USP35: variants seen among roughly 807,000 people sequenced by gnomAD.
USP35 encodes ubiquitin carboxyl-terminal hydrolase 35.
USP35 carries 69 observed loss-of-function variants against 83.8 expected under a neutral mutation model. The observed-to-expected ratio is 0.82, with a 90% CI of 0.68 to 1.01. USP35 has a LOEUF of 1.01. USP35 is among the 50% of genes least tolerant of loss of function. The pLI is 0.00. For missense variants in USP35, 1,503 were observed against 1,362.5 expected (o/e 1.10, Z -1.62); for synonymous variants, 714 against 589.5 (o/e 1.21, Z -3.06).
At chr11:78,195,402 A>T (rs182972504) in intron 1 of USP35, among the ~76,000 whole-genome samples, 2 of 152,154 alleles carry the variant, frequency 1.3e-5, no homozygotes, top group Admixed American at 6.5e-5. Context: ...CACGAAGTGG[A>T]GTCTAGCCAA....
In USP35 at chr11:78,214,592, A is replaced by AGCAGCCACCTGCAGGTT; in HGVS notation, c.*781_*797dup. 1 of 152,418 alleles carries AGCAGCCACCTGCAGGTT rather than the reference A, an allele frequency of 6.6e-6. No homozygotes were observed. Among genetic ancestry groups the AGCAGCCACCTGCAGGTT allele is most frequent in the East Asian group, 1.9e-4 (1 of 5,188 alleles). 9.4% of individuals were successfully genotyped at this position (152,418 alleles called of 1,614,324 possible). On this transcript the variant is annotated 3_prime_UTR_variant, in exon 11 of 11. Transcript: ENST00000529308. ...AGCAGTTGGCCTTTGTAGCTGCAAC[A>AGCAGCCACCTGCAGGTT]GCAGCCACCTGCAGGTTGGGTGAAG...
chr11:78,212,773 A>C (rs80280850), intron 10 of USP35, among the ~76,000 whole-genome samples: 1,961 of 150,364 alleles, frequency 0.013, 17 homozygotes, highest in Non-Finnish European at 0.02. Context: ...GAAGTTGCTT[A>C]ACAGCTTAAG....
chr11:78,208,869 TCCC>T lies in USP35; in HGVS notation c.1500_1502del (p.Pro501del). 6.2e-7 allele frequency: 1 copy of T among 1,614,126 alleles called. No homozygotes were observed. The highest frequency in any genetic ancestry group is 1.6e-4 in the Middle Eastern group (1 of 6,062). ...TGCCTTGTCCTAGCGGCCTGCCATT[TCCC>T]CAGAGAACTTCCTCTCCGCATCCTG... On this transcript the variant is annotated inframe_deletion, in exon 9 of 11. Coordinates refer to ENST00000529308, the MANE Select transcript of USP35 (RefSeq NM_020798.4).
chr11:78,236,181 A>G, the USP35 span, among the ~76,000 whole-genome samples: 1 of 152,222 alleles, frequency 6.6e-6, no homozygotes, highest in Non-Finnish European at 1.5e-5. Context: ...TTTATTCCCA[A>G]GTATTCCACG....
intron 6 of USP35, among the ~76,000 whole-genome samples, chr11:78,202,251 A>G (rs1012994608): frequency 6.6e-6 from 1 of 152,240 alleles, no homozygotes; most frequent in Non-Finnish European, 1.5e-5. Context: ...GAAGCCGACT[A>G]AAAGCCAGGA....
Position 78,209,592 on chromosome 11 carries a change from C to T in USP35, c.1737C>T (p.Cys579=). 6.2e-7 allele frequency: 1 copy of T among 1,614,176 alleles called. No homozygotes were observed. The highest frequency in any genetic ancestry group is 1.1e-5 in the South Asian group (1 of 91,086). ...MFGGKIVTRI[C]CLCCLNVSSR... is the part of the protein sequence containing the mutation. ...GAGGCAAGATAGTGACTCGGATCTG[C>T]TGTCTCTGCTGCCTCAACGTCTCCT... Residue 579 remains cysteine (C), a synonymous_variant, in exon 10 of 11, where the codon TGC becomes TGT. Transcript: ENST00000529308.
the USP35 span, among the ~76,000 whole-genome samples, chr11:78,236,940 C>G: frequency 8.5e-5 from 13 of 152,296 alleles, no homozygotes; most frequent in East Asian, 2.5e-3. Context: ...TTGGATTCGA[C>G]TGCTAATCCT....
the USP35 span, chr11:78,220,407 G>T: frequency 6.3e-7 from 1 of 1,595,860 alleles, no homozygotes; most frequent in Non-Finnish European, 8.6e-7. Context: ...AGGACTGTTC[G>T]TGCCACTGGG....
Position 78,198,356 on chromosome 11 carries a change from A to G in USP35, c.806+288A>G, listed in dbSNP as rs186672779. 2.0e-5 allele frequency among the ~76,000 whole-genome samples: 3 copies of G among 151,866 alleles called. No individual in the cohort carries two copies. In the East Asian group the frequency reaches 5.8e-4, roughly 29 times the overall value. On this transcript the variant is annotated intron_variant, in intron 3 of 10. Transcript: ENST00000529308. The stretch of plus-strand genomic sequence containing the variant: ...CAGCCTCAGTTTCCCCCTCTGTAAA[A>G]GCAGAGGTGGGTGGTGTCAGGCGTC...
In USP35 at chr11:78,210,307, A is replaced by T. The variant is rs1246873774; in HGVS notation, c.2452A>T (p.Met818Leu). 2 of 1,613,806 alleles carry T rather than the reference A, an allele frequency of 1.2e-6. No homozygotes were observed. The highest frequency in any genetic ancestry group is 4.5e-5 in the East Asian group (2 of 44,878). Residue 818 changes from methionine (M) to leucine (L), a missense_variant, in exon 10 of 11, where the codon ATG becomes TTG. Physicochemically the swap from Met to Leu is conservative, Grantham distance 15 (BLOSUM62 2). Transcript: ENST00000529308. The part of the protein sequence containing the change: ...LLRFSFDLRT[M>L]RRRKILDDVS... ...GCGCTTCTCTTTCGACCTGCGCACC[A>T]TGCGGCGCCGCAAGATCCTGGATGA...
chr11:78,220,435 C>A, the USP35 span: 1 of 1,573,308 alleles, frequency 6.4e-7, no homozygotes, highest in South Asian at 1.1e-5. Flanking sequence ...GATGCAGACA[C>A]TGGGTTTTGC....
Position 78,200,770 on chromosome 11 carries a change from T to C in USP35, c.1159T>C (p.Phe387Leu), listed in dbSNP as rs1437935723. The C allele has an allele frequency of 5.0e-6, 8 of 1,614,006 alleles. No individual in the cohort carries two copies. The highest frequency in any genetic ancestry group is 6.8e-6 in the Non-Finnish European group (8 of 1,179,902). Residue 387 changes from phenylalanine to leucine, a missense_variant, in exon 6 of 11, where the codon TTC (phenylalanine) becomes CTC (leucine). Coordinates refer to ENST00000529308, the MANE Select transcript of USP35 (RefSeq NM_020798.4). ...CTGCATGGTGTTCCGGTTCCCGGGCTTCCCGGATCTGTATGAGCCTGTCAT... is the reference window on the plus strand; with the variant it reads ...CTGCATGGTGTTCCGGTTCCCGGGCCTCCCGGATCTGTATGAGCCTGTCAT... ...VHCMVFRFPG[F>L]PDLYEPVMEA...
chr11:78,201,315 G>A (rs998447777), intron 6 of USP35, among the ~76,000 whole-genome samples: 15 of 152,168 alleles, frequency 9.9e-5, no homozygotes, highest in African/African-American at 3.4e-4. Context: ...CCAGACCAGG[G>A]ATAATTTACA....
In USP35 at chr11:78,210,478, G is replaced by GC; in HGVS notation, c.2625dup (p.Ala876ArgfsTer8). 1 of 1,614,164 alleles carries GC rather than the reference G, an allele frequency of 6.2e-7. No individual in the cohort carries two copies. Among genetic ancestry groups the GC allele is most frequent in the Non-Finnish European group, 8.5e-7 (1 of 1,179,968 alleles). ...TGCCCGTGAGGGCGCTGCCCGCCCT[G>GC]CCGCTTCTCTGGGAACTGCCGATAG... On this transcript the variant is annotated frameshift_variant, in exon 10 of 11. Transcript: ENST00000529308. LOFTEE classifies it high-confidence loss of function.
chr11:78,213,057 C>CG (rs1162093031), intron 10 of USP35, among the ~76,000 whole-genome samples: 1 of 152,128 alleles, frequency 6.6e-6, no homozygotes, highest in African/African-American at 2.4e-5. Context: ...GTGTTTTGTG[C>CG]GGGGGAATAC....
chr11:78,236,556 A>G, the USP35 span, among the ~76,000 whole-genome samples: 1 of 152,180 alleles, frequency 6.6e-6, no homozygotes, highest in Non-Finnish European at 1.5e-5. Flanking sequence ...ATCTTAGGGC[A>G]TTATGTTCAA....
At chr11:78,230,843 G>A in the USP35 span, among the ~76,000 whole-genome samples, 1 of 152,220 alleles carries the variant, frequency 6.6e-6, no homozygotes, top group African/African-American at 2.4e-5. Flanking sequence ...AATCTAGATG[G>A]GGAATTCCAA....
the USP35 span, chr11:78,227,107 C>A: frequency 8.4e-7 from 1 of 1,188,012 alleles, no homozygotes; most frequent in Non-Finnish European, 1.2e-6. Flanking sequence ...AGCTGTGTGA[C>A]CTTGAGGCAA....
chr11:78,232,935 A>G, the USP35 span, among the ~76,000 whole-genome samples: 35 of 152,176 alleles, frequency 2.3e-4, no homozygotes, highest in Non-Finnish European at 4.4e-4. Flanking sequence ...GTAAACTTTA[A>G]AGCATCATTT....
Sources: gnomAD v4.1 joint callset for allele counts (sites outside exome capture counted in the v4.1 genomes callset) on GRCh38, gnomAD v4.1.1 for gene constraint, MANE v1.5 for transcripts, NCBI Gene and HGNC (gene_info 2026-07-23, HGNC 2026-07-21) for gene names.